The following SHC4 variants were observed in gnomAD, a reference collection of about 807,000 sequenced individuals.
SHC4 encodes SHC-transforming protein 4.
SHC4 carries 41 observed loss-of-function variants against 69.4 expected under a neutral mutation model. The observed-to-expected ratio is 0.59, with a 90% CI of 0.46 to 0.77. SHC4 has a LOEUF of 0.77. SHC4 is among the 30% of genes least tolerant of loss of function. The probability of loss-of-function intolerance (pLI) is 0.00; values close to 1 mark genes in which losing one functional copy is unlikely to be tolerated. For synonymous variants in SHC4, 318 were observed against 299.3 expected (o/e 1.06, Z -0.64); for missense variants, 777 against 783.8 (o/e 0.99, Z 0.10).
chr15:48,881,351 CAACA>C (rs1400875970), intron 4 of SHC4, among the ~76,000 whole-genome samples: 5 of 133,178 alleles, frequency 3.8e-5, no homozygotes, highest in South Asian at 2.4e-4. Context: ...CCTATGTAGC[CAACA>C]AACAAACAAA....
At chr15:48,860,795 T>C (rs1414713293) in intron 6 of SHC4, among the ~76,000 whole-genome samples, 5 of 152,254 alleles carry the variant, frequency 3.3e-5, no homozygotes, top group African/African-American at 1.2e-4. Flanking sequence ...CCACTACTTA[T>C]GTGACCTTGA....
chr15:48,959,110 G>A (rs538884410), intron 1 of SHC4, among the ~76,000 whole-genome samples: 5 of 152,200 alleles, frequency 3.3e-5, no homozygotes, highest in Admixed American at 6.5e-5. Context: ...CTAGCTTAGC[G>A]CAGATGAAAA....
chr15:48,846,161 G>T (rs1265225211), intron 9 of SHC4, among the ~76,000 whole-genome samples: 1 of 152,148 alleles, frequency 6.6e-6, no homozygotes, highest in African/African-American at 2.4e-5. Flanking sequence ...ACCGGGCCTG[G>T]CTAGAAGTCA....
At chr15:48,913,292 T>A (rs866940736) in intron 2 of SHC4, among the ~76,000 whole-genome samples, 2 of 151,906 alleles carry the variant, frequency 1.3e-5, no homozygotes, top group Non-Finnish European at 1.5e-5. Flanking sequence ...GGGATGTGGG[T>A]GGGGTTCCCA....
intron 1 of SHC4, chr15:48,947,721 C>G (rs1901300530): frequency 6.6e-6 from 1 of 152,058 alleles, no homozygotes; most frequent in Non-Finnish European, 1.5e-5. Context: ...GTCATCACAC[C>G]TGAGAAAGAT....
In SHC4 at chr15:48,826,104, A is replaced by G. The variant is rs1235320237; in HGVS notation, c.1760T>C (p.Phe587Ser). The G allele has an allele frequency of 1.2e-6, 2 of 1,613,144 alleles. No individual in the cohort carries two copies. Among genetic ancestry groups the G allele is most frequent in the Admixed American group, 3.3e-5 (2 of 59,792 alleles). ...EGKVRTKDHVFDNVGHLIRYH... is the reference protein window; with the variant it reads ...EGKVRTKDHVSDNVGHLIRYH... ...TCTGATAAGGTGGCCGACATTATCA[A>G]ATACATGATCCTTGGTCCTCACCTT... The change falls in exon 12 of 12, where the codon TTT becomes TCT. Residue 587 changes from phenylalanine (F) to serine (S), a missense_variant. Transcript: ENST00000332408.
At chr15:48,914,282 A>G (rs1900574450) in intron 2 of SHC4, among the ~76,000 whole-genome samples, 1 of 152,252 alleles carries the variant, frequency 6.6e-6, no homozygotes, top group Non-Finnish European at 1.5e-5. Flanking sequence ...GGAAACATTA[A>G]GTGTGGTAGG....
chr15:48,948,788 C>A (rs1901318952), intron 1 of SHC4, among the ~76,000 whole-genome samples: 2 of 152,188 alleles, frequency 1.3e-5, no homozygotes, highest in African/African-American at 4.8e-5. Flanking sequence ...TGCCTGGAGT[C>A]CCAGCTACTT....
intron 4 of SHC4, chr15:48,879,686 T>C (rs1899902247): frequency 6.0e-6 from 1 of 167,078 alleles, no homozygotes; most frequent in African/African-American, 2.4e-5. Flanking sequence ...CTTTTAAAGG[T>C]TTTAAACCTG....
In SHC4 at chr15:48,910,083, A is replaced by G. The variant is rs570036754; in HGVS notation, c.656+14796T>C. ...TGCTGGCTTCATAGAATGAATTAACAAGGTATGCTTCTTTCTCTATATTGT... is the reference window on the plus strand; with the variant it reads ...TGCTGGCTTCATAGAATGAATTAACGAGGTATGCTTCTTTCTCTATATTGT... On this transcript the variant is annotated intron_variant, in intron 2 of 11. Coordinates refer to ENST00000332408, the MANE Select transcript of SHC4 (RefSeq NM_203349.4). Among the ~76,000 whole-genome samples, 72 of 152,070 alleles carry G rather than the reference A, an allele frequency of 4.7e-4. 1 individual carries two copies. Among genetic ancestry groups the G allele is most frequent in the African/African-American group, 1.7e-3 (71 of 41,522 alleles).
intron 2 of SHC4, among the ~76,000 whole-genome samples, chr15:48,916,359 C>T (rs948361969): frequency 1.3e-5 from 2 of 151,570 alleles, no homozygotes; most frequent in Non-Finnish European, 2.9e-5. Flanking sequence ...TTGTCACTGC[C>T]TTTAATGTCC....
Position 48,911,082 on chromosome 15 carries a change from A to T in SHC4, c.656+13797T>A, listed in dbSNP as rs542685080. On this transcript the variant is annotated intron_variant, in intron 2 of 11. Transcript: ENST00000332408. ...TGTTCTGTATATATCTGTTCAGTCC[A>T]CTTGTTCCAAGATATAGTTTATCCA... is the stretch of plus-strand genomic sequence containing the variant. 1.2e-4 allele frequency among the ~76,000 whole-genome samples: 18 copies of T among 151,980 alleles called. 1 individual carries two copies. The South Asian group carries it at 3.7e-3, about 32-fold the overall frequency.
chr15:48,950,045 C>G (rs1475407590), intron 1 of SHC4, among the ~76,000 whole-genome samples: 3 of 138,096 alleles, frequency 2.2e-5, no homozygotes, highest in African/African-American at 8.0e-5. Context: ...AAATATAATA[C>G]AATAAATATA....
intron 1 of SHC4, among the ~76,000 whole-genome samples, chr15:48,960,192 G>A (rs1901520054): frequency 6.6e-6 from 1 of 152,138 alleles, no homozygotes; most frequent in Non-Finnish European, 1.5e-5. Context: ...AATCTAAAAC[G>A]CCAGAGGAGG....
intron 10 of SHC4, among the ~76,000 whole-genome samples, chr15:48,842,944 AAAG>A (rs796357311): frequency 5.0e-4 from 76 of 152,260 alleles, no homozygotes; most frequent in African/African-American, 1.8e-3. Flanking sequence ...AAAAAAAAGA[AAAG>A]AAGAAGATAA....
Position 48,962,922 on chromosome 15 carries a change from G to A in SHC4, c.94C>T (p.Arg32Cys), listed in dbSNP as rs1225602151. The change falls in exon 1 of 12, where the codon CGC becomes TGC. Residue 32 changes from arginine to cysteine, a missense_variant. Coordinates refer to ENST00000332408, the MANE Select transcript of SHC4 (RefSeq NM_203349.4). ...PGMLHRAKYS[R>C]FRNESITSLD... ...GACGTGATCGACTCGTTCCGAAAGCGGCTGTACTTGGCCCTGTGCAGCATC... is the reference window on the plus strand; with the variant it reads ...GACGTGATCGACTCGTTCCGAAAGCAGCTGTACTTGGCCCTGTGCAGCATC... The A allele has an allele frequency of 9.9e-6, 16 of 1,613,108 alleles. No individual in the cohort carries two copies. The highest frequency in any genetic ancestry group is 1.4e-5 in the Non-Finnish European group (16 of 1,180,040).
intron 1 of SHC4, among the ~76,000 whole-genome samples, chr15:48,942,930 C>G (rs567287425): frequency 6.6e-6 from 1 of 152,200 alleles, no homozygotes; most frequent in African/African-American, 2.4e-5. Context: ...GTAGGTGATA[C>G]CATGCTGGCT....
At chr15:48,944,951 A>G (rs1040108122) in intron 1 of SHC4, among the ~76,000 whole-genome samples, 30 of 152,350 alleles carry the variant, frequency 2.0e-4, no homozygotes, top group Middle Eastern at 3.4e-3. Flanking sequence ...ATGGCTAAGA[A>G]TACAAAAATA....
At chr15:48,866,737 T>C (rs148900761) in intron 6 of SHC4, among the ~76,000 whole-genome samples, 275 of 152,314 alleles carry the variant, frequency 1.8e-3, no homozygotes, top group African/African-American at 6.3e-3. Flanking sequence ...TCCACCTCGG[T>C]GTCTTATAGC....
Sources: gnomAD v4.1 joint callset for allele counts (sites outside exome capture counted in the v4.1 genomes callset) on GRCh38, gnomAD v4.1.1 for gene constraint, MANE v1.5 for transcripts, NCBI Gene and HGNC (gene_info 2026-07-23, HGNC 2026-07-21) for gene names.